Variants in SLC39A12 observed in about 807,000 individuals in gnomAD.
SLC39A12 encodes solute carrier family 39 member 12, also known as zinc transporter ZIP12.
Under a neutral mutation model 71.1 loss-of-function variants are expected in SLC39A12, and 63 were observed. The observed-to-expected ratio is 0.89, with a 90% CI of 0.72 to 1.09. The LOEUF (loss-of-function observed/expected upper bound fraction) is 1.09. SLC39A12 is among the 50% of genes least tolerant of loss of function. SLC39A12 has a pLI of 0.00. For missense variants in SLC39A12, 892 were observed against 812.6 expected, an observed-to-expected ratio of 1.10 and a Z score of -1.19; for synonymous variants, 351 against 301.3, an observed-to-expected ratio of 1.16 and a Z score of -1.71.
chr10:17,985,563 T>C (rs1194649580), intron 6 of SLC39A12, among the ~76,000 whole-genome samples: 1 of 152,180 alleles, frequency 6.6e-6, no homozygotes. Context: ...TTTAATTTCA[T>C]AATTAGCTTT....
At chr10:17,963,387 C>A (rs1554848636) in intron 3 of SLC39A12, among the ~76,000 whole-genome samples, 1 of 152,166 alleles carries the variant, frequency 6.6e-6, no homozygotes, top group Non-Finnish European at 1.5e-5. Context: ...GTGTGTATTT[C>A]CAGGTTTCTG....
chr10:17,991,009 G>A (rs1317800788), intron 7 of SLC39A12, 142 bp from the exon 8 acceptor site: 21 of 775,000 alleles, frequency 2.7e-5, no homozygotes, highest in East Asian at 1.6e-4. Context: ...TGGACTTTTA[G>A]TGATTGTATT....
chr10:17,981,288 C>T, intron 5 of SLC39A12, 24 bp from the exon 6 acceptor site: 2 of 1,572,252 alleles, frequency 1.3e-6, no homozygotes. Context: ...AGATTAGTAA[C>T]AATGTTATGT....
chr10:18,004,365 T>G (rs1329810289), intron 12 of SLC39A12: 1 of 152,200 alleles, frequency 6.6e-6, no homozygotes, highest in African/African-American at 2.4e-5. Context: ...GTGGAACAGA[T>G]TCATTGAGAT....
At chr10:18,010,752 A>T (rs1836193024) in intron 12 of SLC39A12, among the ~76,000 whole-genome samples, 1 of 152,240 alleles carries the variant, frequency 6.6e-6, no homozygotes, top group African/African-American at 2.4e-5. Flanking sequence ...ATACACACAG[A>T]TCTTCCAAAG....
chr10:17,984,214 GT>G (rs1397657971), intron 6 of SLC39A12, among the ~76,000 whole-genome samples: 1 of 152,156 alleles, frequency 6.6e-6, no homozygotes, highest in Non-Finnish European at 1.5e-5. Flanking sequence ...GTGACCACAG[GT>G]CAGATATTTT....
chr10:18,024,095 C>G (rs1442607627), intron 12 of SLC39A12, among the ~76,000 whole-genome samples: 1 of 152,002 alleles, frequency 6.6e-6, no homozygotes, highest in Non-Finnish European at 1.5e-5. Flanking sequence ...GGCTACTGGC[C>G]CTAGTGCCCA....
intron 5 of SLC39A12, among the ~76,000 whole-genome samples, chr10:17,978,546 C>G (rs189476670): frequency 2.0e-4 from 30 of 152,280 alleles, no homozygotes; most frequent in African/African-American, 6.0e-4. Flanking sequence ...AAGAGTTGAT[C>G]TCCATATTAA....
chr10:17,977,815 G>T (rs1405048585), intron 4 of SLC39A12, 87 bp from the exon 5 acceptor site: 2 of 965,844 alleles, frequency 2.1e-6, no homozygotes, highest in Non-Finnish European at 2.9e-6. Context: ...CTTTGTAAGG[G>T]AATATCTATG....
chr10:18,011,446 A>T (rs527354217), intron 12 of SLC39A12, among the ~76,000 whole-genome samples: 66 of 152,214 alleles, frequency 4.3e-4, no homozygotes, highest in Non-Finnish European at 8.2e-4. Flanking sequence ...TTGTAAGAAT[A>T]CTGTATATAA....
intron 12 of SLC39A12, among the ~76,000 whole-genome samples, chr10:18,041,941 A>C (rs1271567274): frequency 6.6e-6 from 1 of 150,666 alleles, no homozygotes; most frequent in Non-Finnish European, 1.5e-5. Flanking sequence ...ACAGGAGATA[A>C]TGTCCTTACT....
At chr10:17,960,403 T>G (rs1233210562) in intron 2 of SLC39A12, among the ~76,000 whole-genome samples, 1 of 152,176 alleles carries the variant, frequency 6.6e-6, no homozygotes, top group African/African-American at 2.4e-5. Context: ...ATAATCAATA[T>G]GCTACAGTGG....
At chr10:18,036,126 G>A (rs1194824759) in intron 12 of SLC39A12, among the ~76,000 whole-genome samples, 1 of 151,640 alleles carries the variant, frequency 6.6e-6, no homozygotes, top group East Asian at 1.9e-4. Flanking sequence ...GCCCCCAGAG[G>A]TGGAGCCTGC....
chr10:17,957,001 A>AC (rs1834567566), intron 2 of SLC39A12, among the ~76,000 whole-genome samples: 1 of 151,704 alleles, frequency 6.6e-6, no homozygotes, highest in Non-Finnish European at 1.5e-5. Context: ...ATTGTTAGCC[A>AC]CCCCCCACCT....
Position 17,953,328 on chromosome 10 carries a change from C to G in SLC39A12, c.52C>G (p.Leu18Val). The G allele has an allele frequency of 3.7e-6, 6 of 1,614,196 alleles. No individual in the cohort carries two copies. Among genetic ancestry groups the G allele is most frequent in the Non-Finnish European group, 5.1e-6 (6 of 1,180,042 alleles). ...SVSWVPLFLL[L>V]SRVFSTETDK... ...ATCCTGGGTGCCATTGTTTCTTCTA[C>G]TCAGCCGTGTTTTTTCTACTGAGAC... The change falls in exon 2 of 13, where the codon CTC becomes GTC. Residue 18 changes from leucine to valine, a missense_variant. Leu to Val is a conservative substitution (Grantham distance 32). Transcript: ENST00000377369.
intron 4 of SLC39A12, 132 bp from the exon 5 acceptor site, chr10:17,977,770 C>A: frequency 1.6e-6 from 1 of 639,688 alleles, no homozygotes; most frequent in Non-Finnish European, 2.4e-6. Context: ...AATGTCCATT[C>A]TGTCATCTCT....
chr10:17,953,485 A>T lies in SLC39A12; in HGVS notation c.209A>T (p.Glu70Val). ...HSRSLIKTLL[E>V]KTGCPRRRNG... ...AGAAGCCTCATCAAAACATTGTTGG[A>T]GAAAACTGGGTGCCCACGGAGGAGA... Residue 70 changes from glutamate to valine, a missense_variant, in exon 2 of 13, where the codon GAG becomes GTG. By Grantham distance (121) the Glu-to-Val change is moderately radical. Transcript: ENST00000377369. The T allele has an allele frequency of 6.2e-7, 1 of 1,614,236 alleles. No individual in the cohort carries two copies. The highest frequency in any genetic ancestry group is 8.5e-7 in the Non-Finnish European group (1 of 1,180,042).
chr10:18,022,245 T>C (rs527391014), intron 12 of SLC39A12, among the ~76,000 whole-genome samples: 1 of 152,196 alleles, frequency 6.6e-6, no homozygotes, highest in Admixed American at 6.5e-5. Context: ...CCTCTCCGTG[T>C]CTTCCAGGAA....
chr10:18,005,910 C>T (rs1307846742), intron 12 of SLC39A12: 1 of 152,120 alleles, frequency 6.6e-6, no homozygotes, highest in Non-Finnish European at 1.5e-5. Context: ...AGGTCGCTTG[C>T]TCTCACGGCC....
Sources: allele counts gnomAD v4.1 joint callset (sites outside exome capture counted in the v4.1 genomes callset), GRCh38; gene constraint gnomAD v4.1.1; transcripts MANE v1.5; gene names NCBI Gene and HGNC (gene_info 2026-07-23, HGNC 2026-07-21).